CREB5: variants seen among roughly 807,000 people sequenced by gnomAD.
CREB5 encodes cAMP responsive element binding protein 5.
Under a neutral mutation model 57.1 loss-of-function variants are expected in CREB5, and 19 were observed. The observed-to-expected ratio is 0.33, with a 90% CI of 0.23 to 0.49. CREB5 has a LOEUF of 0.49. Among genes scored for constraint, CREB5 ranks in the 20% least tolerant of loss-of-function variants. The pLI, the probability that CREB5 is intolerant of heterozygous loss-of-function variation, is 0.99. For synonymous variants in CREB5, 238 were observed against 238.3 expected (o/e 1.00, Z 0.01); for missense variants, 579 against 671.6 (o/e 0.86, Z 1.52).
At position 28,589,762 on chromosome 7, in the gene CREB5, T is replaced by C. The variant is rs906132816; in HGVS notation, c.464+19225T>C. On this transcript the variant is annotated intron_variant, in intron 5 of 10. Transcript: ENST00000357727. ...TTCTGTAATATCCACGGTTTGTATA[T>C]TTAGGTAGTGAGTATTCCATTTTTT... Among the ~76,000 whole-genome samples the C allele has an allele frequency of 2.7e-5, 4 of 147,894 alleles. No individual in the cohort carries two copies. The Admixed American group carries it at 2.7e-4, about 10-fold the overall frequency.
At chr7:28,802,144 C>T (rs893288731) in intron 7 of CREB5, among the ~76,000 whole-genome samples, 9 of 135,040 alleles carry the variant, frequency 6.7e-5, no homozygotes, top group Admixed American at 2.4e-4. Context: ...CTTTCCCAGA[C>T]ATTTAGGATG....
chr7:28,717,086 CTTTTTT>C lies in CREB5; in HGVS notation c.465-1653_465-1648del, dbSNP rs5883165. ...AATCTCTGCGGAAAGGCTTTATATT[CTTTTTT>C]TTTTTTTTTTTTTGAGATGGAATCT... On this transcript the variant is annotated intron_variant, in intron 5 of 10. Coordinates refer to ENST00000357727, the MANE Select transcript of CREB5 (RefSeq NM_182898.4). Among the ~76,000 whole-genome samples the C allele has an allele frequency of 5.4e-5, 6 of 110,250 alleles. No homozygotes were observed. The South Asian group carries it at 1.2e-3, about 22-fold the overall frequency. The allele number at this position is 110,250 out of a possible 152,430, so 72.3% of individuals were successfully genotyped here. A position where few individuals can be genotyped will look rare whatever the true frequency, so the allele number is the denominator to read the frequency against.
intron 5 of CREB5, among the ~76,000 whole-genome samples, chr7:28,637,427 T>TA (rs1798467911): frequency 6.6e-6 from 1 of 152,046 alleles, no homozygotes; most frequent in African/African-American, 2.4e-5. Context: ...GAATGGCTGA[T>TA]AAAAAACAAG....
At chr7:28,445,069 T>A (rs962774509) in intron 1 of CREB5, among the ~76,000 whole-genome samples, 1 of 152,196 alleles carries the variant, frequency 6.6e-6, no homozygotes, top group Admixed American at 6.5e-5. Flanking sequence ...TGATAGTGAA[T>A]AAGTCTCACG....
chr7:28,321,778 C>T (rs1156547598), intron 1 of CREB5, among the ~76,000 whole-genome samples: 1 of 152,176 alleles, frequency 6.6e-6, no homozygotes, highest in Non-Finnish European at 1.5e-5. Context: ...AGGAGAAACA[C>T]ATTCAAAGGT....
At chr7:28,365,158 G>T (rs1018096152) in intron 1 of CREB5, among the ~76,000 whole-genome samples, 4 of 152,030 alleles carry the variant, frequency 2.6e-5, no homozygotes, top group Non-Finnish European at 4.4e-5. Flanking sequence ...TCGTCTCTCT[G>T]GTCCTTTCTA....
chr7:28,693,191 T>C (rs917213752), intron 5 of CREB5, among the ~76,000 whole-genome samples: 1 of 152,106 alleles, frequency 6.6e-6, no homozygotes, highest in Non-Finnish European at 1.5e-5. Context: ...ACTGGATGTG[T>C]CCAAAAAGCA....
At chr7:28,687,039 G>T (rs1410601032) in intron 5 of CREB5, among the ~76,000 whole-genome samples, 1 of 152,112 alleles carries the variant, frequency 6.6e-6, no homozygotes, top group Non-Finnish European at 1.5e-5. Flanking sequence ...CTGGAAAACT[G>T]TGTGTTGTAT....
At chr7:28,543,450 T>C in intron 4 of CREB5, among the ~76,000 whole-genome samples, 1 of 152,188 alleles carries the variant, frequency 6.6e-6, no homozygotes, top group Non-Finnish European at 1.5e-5. Flanking sequence ...GTTTGCCCAA[T>C]GTCTTTTTAA....
chr7:28,737,545 A>ATATATATATATATATATATATATACG (rs1804068790), intron 7 of CREB5, among the ~76,000 whole-genome samples: 2 of 8,572 alleles, frequency 2.3e-4, no homozygotes, highest in Non-Finnish European at 6.4e-4. Flanking sequence ...ATACGTATAT[A>ATATATATATATATATATATATATACG]TATATATATA....
At chr7:28,577,666 C>T (rs1256936252) in intron 5 of CREB5, among the ~76,000 whole-genome samples, 1 of 152,212 alleles carries the variant, frequency 6.6e-6, no homozygotes, top group Admixed American at 6.5e-5. Context: ...TGCACTATCC[C>T]ACAGTTCCCA....
intron 7 of CREB5, among the ~76,000 whole-genome samples, chr7:28,796,172 C>G (rs190390998): frequency 6.6e-6 from 1 of 152,286 alleles, no homozygotes; most frequent in Non-Finnish European, 1.5e-5. Flanking sequence ...AACCCTGGAA[C>G]CATTAAGCAG....
intron 7 of CREB5, among the ~76,000 whole-genome samples, chr7:28,797,460 C>CCAGAATT (rs1427810844): frequency 5.9e-5 from 9 of 152,284 alleles, no homozygotes; most frequent in Non-Finnish European, 8.8e-5. Context: ...TTTTCTAGGT[C>CCAGAATT]TTATGGAATC....
chr7:28,711,539 T>C (rs573794877), intron 5 of CREB5, among the ~76,000 whole-genome samples: 2 of 152,344 alleles, frequency 1.3e-5, no homozygotes, highest in South Asian at 4.1e-4. Flanking sequence ...AGACGTCTTT[T>C]AAAAATATGG....
intron 5 of CREB5, among the ~76,000 whole-genome samples, chr7:28,690,851 CT>C (rs912129157): frequency 6.6e-6 from 1 of 151,898 alleles, no homozygotes. Flanking sequence ...TCTGTTATGC[CT>C]TTTTTTTAAA....
At chr7:28,498,549 G>T (rs1411852496) in intron 3 of CREB5, among the ~76,000 whole-genome samples, 1 of 152,172 alleles carries the variant, frequency 6.6e-6, no homozygotes, top group Admixed American at 6.5e-5. Flanking sequence ...TTTGTCATAA[G>T]GTTCATTTCA....
intron 5 of CREB5, among the ~76,000 whole-genome samples, chr7:28,708,511 A>T (rs1190425872): frequency 2.6e-5 from 4 of 152,194 alleles, no homozygotes; most frequent in Non-Finnish European, 5.9e-5. Context: ...AAAAGGTGAA[A>T]TAAGAGCATG....
rs10625343 is a variant in CREB5, at chr7:28,551,821, TTTTC to T, written c.292-18524_292-18521del. On this transcript the variant is annotated intron_variant, in intron 4 of 10. Coordinates refer to ENST00000357727, the MANE Select transcript of CREB5 (RefSeq NM_182898.4). The stretch of plus-strand genomic sequence containing the variant: ...AGGGTCTCAGGGTCACCTCTATGAT[TTTTC>T]TTTCTTTCTTTCTTTCTTTTTCTTT... Among the ~76,000 whole-genome samples, 202 of 147,536 alleles carry T rather than the reference TTTTC, an allele frequency of 1.4e-3. 1 individual carries two copies. Among genetic ancestry groups the T allele is most frequent in the South Asian group, 3.6e-3 (16 of 4,496 alleles).
At chr7:28,367,557 C>A (rs183984371) in intron 1 of CREB5, among the ~76,000 whole-genome samples, 244 of 152,300 alleles carry the variant, frequency 1.6e-3, no homozygotes, top group African/African-American at 5.4e-3. Flanking sequence ...TACCTGTAAT[C>A]CCAGCACTTT....
Sources: allele counts gnomAD v4.1 joint callset (sites outside exome capture counted in the v4.1 genomes callset), GRCh38; gene constraint gnomAD v4.1.1; transcripts MANE v1.5; gene names NCBI Gene and HGNC (gene_info 2026-07-23, HGNC 2026-07-21).